Variants in ESRRB observed in about 807,000 individuals in gnomAD.
The protein encoded by ESRRB is estrogen related receptor beta, also known as steroid hormone receptor ERR2.
A neutral mutation model predicts 46.0 loss-of-function variants in ESRRB; 16 were observed. The ratio of observed to expected loss-of-function variants is 0.35; its 90% CI spans 0.24 to 0.53. The LOEUF is 0.53. Ranked by LOEUF, ESRRB falls within the 20% of genes least tolerant of loss-of-function variation. The pLI, the probability that ESRRB is intolerant of heterozygous loss-of-function variation, is 0.93. For missense variants in ESRRB, 488 were observed against 607.4 expected (o/e 0.80, Z 2.07); for synonymous variants, 246 against 259.6 (o/e 0.95, Z 0.50).
chr14:76,383,632 C>T (rs987262691), intron 1 of ESRRB, among the ~76,000 whole-genome samples: 6 of 152,050 alleles, frequency 3.9e-5, no homozygotes, highest in African/African-American at 1.4e-4. Context: ...TTTGTCCCTC[C>T]TTGACTGTTT....
intron 1 of ESRRB, among the ~76,000 whole-genome samples, chr14:76,313,038 G>A (rs149760508): frequency 7.2e-4 from 109 of 152,272 alleles, no homozygotes; most frequent in African/African-American, 2.5e-3. Context: ...AGCCTTAATG[G>A]TCAGACAGAA....
At chr14:76,397,222 T>A (rs1885726534) in intron 1 of ESRRB, among the ~76,000 whole-genome samples, 1 of 152,192 alleles carries the variant, frequency 6.6e-6, no homozygotes, top group East Asian at 1.9e-4. Context: ...GACTTGCACC[T>A]CCAGAGGCTG....
In ESRRB at chr14:76,403,703, G is replaced by A. The variant is rs549960809; in HGVS notation, c.50+27252G>A. Among the ~76,000 whole-genome samples the A allele has an allele frequency of 4.6e-5, 7 of 152,256 alleles. No individual in the cohort carries two copies. The South Asian group carries it at 1.2e-3, about 27-fold the overall frequency. Reference sequence around the variant, plus strand: ...TGCCAGAGAGGTGGAGGTGGTGACAGGTGGTAAGACCCTGCTGAGCAGGAC... The same window carrying A: ...TGCCAGAGAGGTGGAGGTGGTGACAAGTGGTAAGACCCTGCTGAGCAGGAC... On this transcript the variant is annotated intron_variant, in intron 1 of 6. Transcript: ENST00000644823.
intron 1 of ESRRB, among the ~76,000 whole-genome samples, chr14:76,406,464 G>A (rs192472168): frequency 2.0e-5 from 3 of 152,170 alleles, no homozygotes; most frequent in African/African-American, 4.8e-5. Context: ...ACAGTGCCCC[G>A]GCTGGGTGCA....
At chr14:76,462,464 C>A (rs1888907703) in intron 2 of ESRRB, 81 bp from the exon 3 acceptor site, 1 of 1,039,232 alleles carries the variant, frequency 9.6e-7, no homozygotes, top group Non-Finnish European at 1.5e-6. Flanking sequence ...AAATTAAAAT[C>A]CCCATCCAGC....
At chr14:76,370,175 G>C (rs1884586749), upstream of ESRRB, among the ~76,000 whole-genome samples, 1 of 151,554 alleles carries the variant, frequency 6.6e-6, no homozygotes, top group South Asian at 2.1e-4. Context: ...ATTACCTGAG[G>C]TCAGGAGTTC....
intron 1 of ESRRB, among the ~76,000 whole-genome samples, chr14:76,321,696 C>T (rs770770750): frequency 6.6e-6 from 1 of 152,026 alleles, no homozygotes; most frequent in Non-Finnish European, 1.5e-5. Flanking sequence ...TTTTTGAGAG[C>T]CTGTTCTGTG....
intron 1 of ESRRB, among the ~76,000 whole-genome samples, chr14:76,408,093 G>T (rs1886267543): frequency 6.6e-6 from 1 of 152,180 alleles, no homozygotes; most frequent in African/African-American, 2.4e-5. Flanking sequence ...TGAGTCAACA[G>T]GCGGGTTTGA....
intron 1 of ESRRB, among the ~76,000 whole-genome samples, chr14:76,322,876 A>C (rs573350199): frequency 1.3e-5 from 2 of 152,106 alleles, no homozygotes; most frequent in Non-Finnish European, 2.9e-5. Flanking sequence ...TGCTGAGGAG[A>C]GTTATAACAT....
chr14:76,345,691 G>T (rs949273937), intron 1 of ESRRB, among the ~76,000 whole-genome samples: 8 of 152,210 alleles, frequency 5.3e-5, no homozygotes, highest in Non-Finnish European at 1.0e-4. Flanking sequence ...TCCCACTACT[G>T]GGTATCCACC....
At chr14:76,370,323 G>A (rs1221884712), upstream of ESRRB, among the ~76,000 whole-genome samples, 1 of 151,872 alleles carries the variant, frequency 6.6e-6, no homozygotes, top group African/African-American at 2.4e-5. Flanking sequence ...ACTTGAACTC[G>A]GGAGACGGAG....
At chr14:76,361,713 A>G (rs1015914038) in intron 1 of ESRRB, among the ~76,000 whole-genome samples, 1 of 152,204 alleles carries the variant, frequency 6.6e-6, no homozygotes, top group Non-Finnish European at 1.5e-5. Context: ...AAACCAACCC[A>G]TGGGCATCTC....
chr14:76,469,934 T>G (rs1327364683), intron 3 of ESRRB, among the ~76,000 whole-genome samples: 33 of 134,930 alleles, frequency 2.4e-4, no homozygotes, highest in Non-Finnish European at 3.9e-4. Context: ...TTGTTGTTTT[T>G]TTTTTTTTTC....
chr14:76,460,652 A>T (rs755002460), intron 2 of ESRRB, among the ~76,000 whole-genome samples: 2 of 152,040 alleles, frequency 1.3e-5, no homozygotes, highest in Non-Finnish European at 2.9e-5. Context: ...AGTCGAAGAG[A>T]CACAATACCA....
At chr14:76,364,730 C>G (rs1347008395) in intron 1 of ESRRB, among the ~76,000 whole-genome samples, 1 of 150,644 alleles carries the variant, frequency 6.6e-6, no homozygotes, top group African/African-American at 2.4e-5. Flanking sequence ...TGGACAGTTG[C>G]CTTTTTCTGT....
chr14:76,402,713 T>A (rs1468719192), intron 1 of ESRRB, among the ~76,000 whole-genome samples: 1 of 152,208 alleles, frequency 6.6e-6, no homozygotes, highest in Non-Finnish European at 1.5e-5. Flanking sequence ...TCTTTTCTTT[T>A]TTTGAAATGC....
intron 1 of ESRRB, among the ~76,000 whole-genome samples, chr14:76,313,629 T>C (rs924436181): frequency 1.3e-5 from 2 of 152,158 alleles, no homozygotes; most frequent in Non-Finnish European, 1.5e-5. Context: ...ATTCAAACGA[T>C]TTTACATAGT....
chr14:76,415,503 T>C lies in ESRRB; in HGVS notation c.51-23838T>C, dbSNP rs184411125. On this transcript the variant is annotated intron_variant, in intron 1 of 6. Transcript: ENST00000644823. The stretch of plus-strand genomic sequence containing the variant: ...GGTAAAACCCTGTCTCTACTAAAAA[T>C]ACAAAAATTAGCCAGGCGTGGTGGT... Among the ~76,000 whole-genome samples the C allele has an allele frequency of 4.6e-5, 7 of 151,644 alleles. No homozygotes were observed. The East Asian group carries it at 9.8e-4, about 21-fold the overall frequency.
intron 1 of ESRRB, among the ~76,000 whole-genome samples, chr14:76,377,791 G>A (rs1234488070): frequency 6.6e-6 from 1 of 152,164 alleles, no homozygotes; most frequent in Non-Finnish European, 1.5e-5. Context: ...CACCCCGCTT[G>A]AGAGAGAGGG....
Sources: allele counts gnomAD v4.1 joint callset (sites outside exome capture counted in the v4.1 genomes callset), GRCh38; gene constraint gnomAD v4.1.1; transcripts MANE v1.5; gene names NCBI Gene and HGNC (gene_info 2026-07-23, HGNC 2026-07-21).